MYO10: variants seen among roughly 807,000 people sequenced by gnomAD.
The protein encoded by MYO10 is myosin X.
Under a neutral mutation model 257.3 loss-of-function variants are expected in MYO10, and 133 were observed. That is an observed-to-expected ratio of 0.52 (90% CI 0.45 to 0.60). MYO10 has a LOEUF of 0.60. Among genes scored for constraint, MYO10 ranks in the 20% least tolerant of loss-of-function variants. The pLI, the probability that MYO10 is intolerant of heterozygous loss-of-function variation, is 0.00. For missense variants in MYO10, 2,399 were observed against 2,635.7 expected, an observed-to-expected ratio of 0.91 and a Z score of 1.97; for synonymous variants, 1,104 against 1,028.6, an observed-to-expected ratio of 1.07 and a Z score of -1.40.
chr5:16,673,476 T>C (rs1736568259), intron 36 of MYO10, among the ~76,000 whole-genome samples: 1 of 152,136 alleles, frequency 6.6e-6, no homozygotes, highest in East Asian at 1.9e-4. Flanking sequence ...GTACTTTATC[T>C]CTGTGTTTCC....
chr5:16,845,899 G>A (rs1047532169), intron 2 of MYO10, among the ~76,000 whole-genome samples: 7 of 151,274 alleles, frequency 4.6e-5, no homozygotes, highest in Admixed American at 1.3e-4. Context: ...AGGAGGCAGA[G>A]GTTGCAGTGA....
chr5:16,882,911 TTTTA>T (rs1474940092), intron 1 of MYO10, among the ~76,000 whole-genome samples: 4 of 151,244 alleles, frequency 2.6e-5, no homozygotes, highest in South Asian at 2.1e-4. Flanking sequence ...ATCAAATCAT[TTTTA>T]TTTATTTATT....
chr5:16,680,546 G>T (rs1736944754), intron 32 of MYO10, among the ~76,000 whole-genome samples: 1 of 152,068 alleles, frequency 6.6e-6, no homozygotes, highest in Non-Finnish European at 1.5e-5. Flanking sequence ...GAGTTCAGAG[G>T]CAAGCTGTCC....
At chr5:16,782,196 T>C (rs966310662) in intron 5 of MYO10, among the ~76,000 whole-genome samples, 1 of 152,196 alleles carries the variant, frequency 6.6e-6, no homozygotes, top group Non-Finnish European at 1.5e-5. Flanking sequence ...ATTTCACCTA[T>C]TTGTTGTATG....
intron 1 of MYO10, among the ~76,000 whole-genome samples, chr5:16,884,006 C>G (rs976775001): frequency 5.9e-5 from 9 of 152,212 alleles, no homozygotes; most frequent in African/African-American, 1.9e-4. Context: ...GTTTCTCTCG[C>G]CTATGTTAAG....
At chr5:16,715,392 A>ATATTTTTTT (rs1554038579) in intron 19 of MYO10, among the ~76,000 whole-genome samples, 2 of 84,340 alleles carry the variant, frequency 2.4e-5, no homozygotes, top group Admixed American at 1.9e-4. Flanking sequence ...TAAGATTGAA[A>ATATTTTTTT]TTTTTTTTTT....
intron 1 of MYO10, among the ~76,000 whole-genome samples, chr5:16,919,389 A>G (rs577652373): frequency 2.6e-4 from 40 of 152,152 alleles, no homozygotes; most frequent in Non-Finnish European, 5.7e-4. Flanking sequence ...AAAACAAAAC[A>G]AACAAATAAA....
Position 16,711,110 on chromosome 5 carries a change from C to G in MYO10, c.2054+11G>C, listed in dbSNP as rs149947302. Reference sequence around the variant, plus strand: ...TGAAAAGAAAGAGAATCCAATTCAGCTCCCTCTTGCCTTTTGTAAAAGTCC... The same window carrying G: ...TGAAAAGAAAGAGAATCCAATTCAGGTCCCTCTTGCCTTTTGTAAAAGTCC... On this transcript the variant is annotated intron_variant, in intron 20 of 40. Transcript: ENST00000513610. 7.6e-5 allele frequency: 123 copies of G among 1,613,794 alleles called. No homozygotes were observed. In the East Asian group the frequency reaches 2.6e-3, roughly 34 times the overall value.
chr5:16,890,420 G>A (rs1028347350), intron 1 of MYO10, among the ~76,000 whole-genome samples: 12 of 151,744 alleles, frequency 7.9e-5, no homozygotes, highest in East Asian at 3.8e-4. Context: ...ATGTCCACAC[G>A]AAAACTTGTA....
rs151210914 is a variant in MYO10, at chr5:16,815,176, CTT to C, written c.279+2831_279+2832del. 9.0e-3 allele frequency: 3,321 copies of C among 367,782 alleles called. 98 individuals are homozygous for C. The highest frequency in any genetic ancestry group is 0.064 in the African/African-American group (3,002 of 46,900). 22.8% of individuals were successfully genotyped at this position (367,782 alleles called of 1,614,324 possible). ...AGACACTATTACAAAAAAAAACAAA[CTT>C]GTGTTTTTTCTCTAATGACAGCAAA... On this transcript the variant is annotated intron_variant, in intron 3 of 40. Coordinates refer to ENST00000513610, the MANE Select transcript of MYO10 (RefSeq NM_012334.3).
At chr5:16,744,817 C>G (rs923920340) in intron 19 of MYO10, among the ~76,000 whole-genome samples, 1 of 151,830 alleles carries the variant, frequency 6.6e-6, no homozygotes, top group Non-Finnish European at 1.5e-5. Context: ...CCCACAAGAG[C>G]TTTGAGATGG....
At chr5:16,805,015 C>G (rs1008317615) in intron 3 of MYO10, among the ~76,000 whole-genome samples, 1 of 152,220 alleles carries the variant, frequency 6.6e-6, no homozygotes, top group South Asian at 2.1e-4. Flanking sequence ...CTTCAATTTG[C>G]ATGGATGACT....
intron 19 of MYO10, among the ~76,000 whole-genome samples, chr5:16,714,241 AT>A (rs1738750290): frequency 6.6e-6 from 1 of 152,080 alleles, no homozygotes. Context: ...AAGTGCACAG[AT>A]TTGAACTAGA....
intron 17 of MYO10, among the ~76,000 whole-genome samples, 180 bp downstream of exon 17, chr5:16,761,284 C>T (rs6881211): frequency 0.084 from 12,819 of 152,218 alleles, 1,147 homozygotes; most frequent in African/African-American, 0.23. Flanking sequence ...AGCCACCATG[C>T]CCGACCTTGC....
chr5:16,811,669 C>T (rs1742444720), intron 3 of MYO10, among the ~76,000 whole-genome samples: 1 of 152,174 alleles, frequency 6.6e-6, no homozygotes, highest in Admixed American at 6.5e-5. Flanking sequence ...CCCACCCCAG[C>T]TTCCTGAGTA....
intron 19 of MYO10, among the ~76,000 whole-genome samples, chr5:16,713,932 C>T (rs765318497): frequency 2.0e-5 from 3 of 152,146 alleles, no homozygotes; most frequent in East Asian, 1.9e-4. Flanking sequence ...AGGGAAGTCT[C>T]GATGGCGACA....
intron 2 of MYO10, among the ~76,000 whole-genome samples, chr5:16,859,832 C>T (rs1744059807): frequency 6.6e-6 from 1 of 152,196 alleles, no homozygotes; most frequent in Non-Finnish European, 1.5e-5. Context: ...CACCCACCCC[C>T]AGAGCTGTTC....
At chr5:16,790,263 G>T (rs1225265670) in intron 4 of MYO10, among the ~76,000 whole-genome samples, 1 of 152,088 alleles carries the variant, frequency 6.6e-6, no homozygotes, top group Non-Finnish European at 1.5e-5. Flanking sequence ...TTCATCCTTT[G>T]ATTGGCAGCT....
In MYO10 at chr5:16,670,943, G is replaced by A; in HGVS notation, c.5466C>T (p.Ala1822=). 6.2e-7 allele frequency: 1 copy of A among 1,612,614 alleles called. No individual in the cohort carries two copies. The highest frequency in any genetic ancestry group is 8.5e-7 in the Non-Finnish European group (1 of 1,178,752). Residue 1822 remains alanine, a synonymous_variant, in exon 39 of 41, where the codon GCC becomes GCT. Coordinates refer to ENST00000513610, the MANE Select transcript of MYO10 (RefSeq NM_012334.3). ...HEAVIHGHHP[A]PEENLQVLAA... ...CAAGAACCTGGAGGTTTTCTTCCGG[G>A]GCTGGATGGTGGCCATGGATAACCG...
Sources: allele counts gnomAD v4.1 joint callset (sites outside exome capture counted in the v4.1 genomes callset), GRCh38; gene constraint gnomAD v4.1.1; transcripts MANE v1.5; gene names NCBI Gene and HGNC (gene_info 2026-07-23, HGNC 2026-07-21).